The following ADAMTS19 variants were observed in gnomAD, a reference collection of about 807,000 sequenced individuals.
ADAMTS19 encodes the protein ADAM metallopeptidase with thrombospondin type 1 motif 19, also known as A disintegrin and metalloproteinase with thrombospondin motifs 19.
In ADAMTS19, 93 loss-of-function variants were observed where a neutral mutation model predicts 153.3. The ratio of observed to expected loss-of-function variants is 0.61; its 90% CI spans 0.51 to 0.72. The LOEUF (loss-of-function observed/expected upper bound fraction) is 0.72. Ranked by LOEUF, ADAMTS19 falls within the 30% of genes least tolerant of loss-of-function variation. ADAMTS19 has a pLI of 0.00. For synonymous variants in ADAMTS19, 600 were observed against 556.6 expected (o/e 1.08, Z -1.10); for missense variants, 1,482 against 1,552.1 (o/e 0.95, Z 0.76).
At chr5:129,574,465 C>G (rs1324373877) in intron 7 of ADAMTS19, among the ~76,000 whole-genome samples, 1 of 151,934 alleles carries the variant, frequency 6.6e-6, no homozygotes, top group Non-Finnish European at 1.5e-5. Flanking sequence ...TTGTTCCCCT[C>G]TCTGTGTCAA....
intron 6 of ADAMTS19, among the ~76,000 whole-genome samples, chr5:129,551,660 G>A (rs1233920945): frequency 6.6e-6 from 1 of 151,366 alleles, no homozygotes; most frequent in Non-Finnish European, 1.5e-5. Flanking sequence ...TAATGTCTGA[G>A]GATTAATTAT....
intron 13 of ADAMTS19, among the ~76,000 whole-genome samples, chr5:129,651,492 G>T (rs1428619514): frequency 2.0e-5 from 3 of 152,004 alleles, no homozygotes. Context: ...ATCCTATATG[G>T]CCAGGCTGAC....
intron 2 of ADAMTS19, among the ~76,000 whole-genome samples, chr5:129,484,383 G>GT (rs1750521842): frequency 1.3e-5 from 2 of 152,222 alleles, no homozygotes; most frequent in South Asian, 4.1e-4. Flanking sequence ...GTCCCCAGAT[G>GT]TAACAACGAT....
Position 129,735,214 on chromosome 5 carries a change from G to C in ADAMTS19, c.3490+105G>C, listed in dbSNP as rs1261921842. ...ACCTTGATAGTTGTAAATCTATACT[G>C]ATTATTTTGGTTTGCACTAAATTGG... On this transcript the variant is annotated intron_variant, in intron 22 of 22. Coordinates refer to ENST00000274487, the MANE Select transcript of ADAMTS19 (RefSeq NM_133638.6). 4.4e-6 allele frequency: 5 copies of C among 1,144,770 alleles called. No individual in the cohort carries two copies. In the African/African-American group the frequency reaches 8.1e-5, roughly 19 times the overall value. The allele number at this position is 1,144,770 out of a possible 1,614,324, so 70.9% of individuals were successfully genotyped here.
chr5:129,646,092 T>G (rs998180284), intron 11 of ADAMTS19, among the ~76,000 whole-genome samples: 4 of 150,222 alleles, frequency 2.7e-5, no homozygotes, highest in African/African-American at 7.4e-5. Context: ...GTTTCACTGT[T>G]TTAGCCGGGA....
At chr5:129,715,066 C>T (rs1756664126) in intron 21 of ADAMTS19, among the ~76,000 whole-genome samples, 1 of 152,062 alleles carries the variant, frequency 6.6e-6, no homozygotes, top group Non-Finnish European at 1.5e-5. Flanking sequence ...TATGTAGTGT[C>T]AACAAAGGTT....
At chr5:129,687,962 A>C (rs1581228226) in intron 18 of ADAMTS19, 1 of 152,204 alleles carries the variant, frequency 6.6e-6, no homozygotes, top group East Asian at 1.9e-4. Context: ...TTTGTGCTTG[A>C]ATAGATCTCC....
intron 7 of ADAMTS19, among the ~76,000 whole-genome samples, chr5:129,592,913 A>G (rs1750210119): frequency 6.6e-6 from 1 of 152,174 alleles, no homozygotes; most frequent in Non-Finnish European, 1.5e-5. Flanking sequence ...TCATACCTCT[A>G]TGTAAGTATG....
Position 129,684,159 on chromosome 5 carries a change from GA to G in ADAMTS19, c.2706del (p.Glu902AspfsTer51), listed in dbSNP as rs1216931041. 1 of 1,613,958 alleles carries G rather than the reference GA, an allele frequency of 6.2e-7. No individual in the cohort carries two copies. The highest frequency in any genetic ancestry group is 8.5e-7 in the Non-Finnish European group (1 of 1,180,034). Reference protein sequence around the residue: ...FQDQNYGLHYEYTIPSDPLPE... With the variant: ...FQDQNYGLHYXYTIPSDPLPE... The stretch of plus-strand genomic sequence containing the variant: ...GGATCAGAATTATGGTCTTCACTAT[GA>G]ATACACTATCCCATCAGACCCTCTT... On this transcript the variant is annotated frameshift_variant, in exon 18 of 23. Transcript: ENST00000274487. LOFTEE classifies it high-confidence loss of function.
At chr5:129,605,800 T>C (rs6860653) in intron 8 of ADAMTS19, among the ~76,000 whole-genome samples, 9,068 of 152,182 alleles carry the variant, frequency 0.06, 435 homozygotes, top group African/African-American at 0.13. Context: ...ATTAAACATA[T>C]ACCACTTACC....
In ADAMTS19 at chr5:129,701,473, A is replaced by C; in HGVS notation, c.3040A>C (p.Ser1014Arg). The stretch of plus-strand genomic sequence containing the variant: ...ACAAGTGGCCTGTACCCAACAACTG[A>C]GCAATGGAACACTGATTAGAGCCCG... ...SRQVACTQQL[S>R]NGTLIRARER... is the part of the protein sequence containing the mutation. Residue 1014 changes from serine to arginine, a missense_variant, in exon 20 of 23, where the codon AGC (serine) becomes CGC (arginine). This residue lies in a region of ADAMTS19 where 616 missense variants were observed against 724.4 expected (regional missense o/e 0.85). Coordinates refer to ENST00000274487, the MANE Select transcript of ADAMTS19 (RefSeq NM_133638.6). 1 of 1,614,178 alleles carries C rather than the reference A, an allele frequency of 6.2e-7. No homozygotes were observed. Among genetic ancestry groups the C allele is most frequent in the Non-Finnish European group, 8.5e-7 (1 of 1,180,044 alleles).
At chr5:129,714,957 A>C (rs1447763473) in intron 21 of ADAMTS19, among the ~76,000 whole-genome samples, 1 of 152,164 alleles carries the variant, frequency 6.6e-6, no homozygotes, top group East Asian at 1.9e-4. Flanking sequence ...TAAACAGTAG[A>C]ATATTGTAGC....
intron 14 of ADAMTS19, among the ~76,000 whole-genome samples, 194 bp downstream of exon 14, chr5:129,654,627 T>C (rs796249335): frequency 6.6e-6 from 1 of 152,148 alleles, no homozygotes; most frequent in East Asian, 1.9e-4. Flanking sequence ...ATAATGGGTT[T>C]GACTTGGTAC....
intron 2 of ADAMTS19, among the ~76,000 whole-genome samples, chr5:129,503,177 A>G (rs1581014222): frequency 1.3e-5 from 2 of 152,210 alleles, no homozygotes; most frequent in Non-Finnish European, 2.9e-5. Flanking sequence ...GAGGCAGACA[A>G]TACAATTCTC....
At chr5:129,725,698 G>A (rs947853062) in intron 21 of ADAMTS19, among the ~76,000 whole-genome samples, 7 of 151,970 alleles carry the variant, frequency 4.6e-5, no homozygotes, top group South Asian at 2.1e-4. Context: ...TCCTGGTTGC[G>A]GGGGAGGGAG....
chr5:129,660,363 C>A (rs1293221095), intron 15 of ADAMTS19, among the ~76,000 whole-genome samples: 3 of 151,946 alleles, frequency 2.0e-5, no homozygotes, highest in African/African-American at 4.8e-5. Flanking sequence ...CTTTTTCTGC[C>A]TGATTGTGAT....
rs1226646423 is a variant in ADAMTS19 at position 129,500,680 on chromosome 5, T to C, written c.748-8397T>C. On this transcript the variant is annotated intron_variant, in intron 2 of 22. Transcript: ENST00000274487. ...CAACAGATTATGAAGCAAATATAGA[T>C]CTTTTTGACCCAGCTGGATAAATGG... 2.0e-5 allele frequency: 3 copies of C among 152,132 alleles called. No individual in the cohort carries two copies. The East Asian group carries it at 5.8e-4, about 29-fold the overall frequency. 9.4% of individuals were successfully genotyped at this position (152,132 alleles called of 1,614,324 possible).
At chr5:129,637,839 ACT>A (rs1408602455) in intron 10 of ADAMTS19, among the ~76,000 whole-genome samples, 5 of 151,992 alleles carry the variant, frequency 3.3e-5, no homozygotes, top group East Asian at 1.9e-4. Context: ...CAAGAGCGAG[ACT>A]CTGTCTCCAA....
intron 7 of ADAMTS19, among the ~76,000 whole-genome samples, chr5:129,554,846 G>T (rs1753258591): frequency 2.0e-5 from 3 of 152,116 alleles, no homozygotes; most frequent in Non-Finnish European, 2.9e-5. Context: ...AAGAGAAAAT[G>T]CTGGTAAACT....
Sources: allele counts gnomAD v4.1 joint callset (sites outside exome capture counted in the v4.1 genomes callset), GRCh38; gene constraint gnomAD v4.1.1; regional missense constraint gnomAD v4.1.1; transcripts MANE v1.5; gene names NCBI Gene and HGNC (gene_info 2026-07-23, HGNC 2026-07-21).